C1QC: variants seen among roughly 807,000 people sequenced by gnomAD.
The protein encoded by C1QC is complement C1q C chain, also known as complement C1q subcomponent subunit C.
In C1QC, 4 loss-of-function variants were observed where a neutral mutation model predicts 5.9. The observed-to-expected ratio is 0.68, with a 90% CI of 0.33 to 1.55. C1QC has a LOEUF of 1.55. Ranked by LOEUF, C1QC falls within the 40% of genes most tolerant of loss-of-function variation. The probability of loss-of-function intolerance (pLI) is 0.06; values close to 1 mark genes in which losing one functional copy is unlikely to be tolerated. For synonymous variants in C1QC, 166 were observed against 153.8 expected (o/e 1.08, Z -0.59); for missense variants, 299 against 326.9 (o/e 0.91, Z 0.66).
Position 22,647,704 on chromosome 1 carries a change from C to T in C1QC, c.659C>T (p.Ala220Val). Residue 220 changes from alanine to valine, a missense_variant, in exon 3 of 3, where the codon GCT becomes GTT. Ala to Val is a moderately conservative substitution (Grantham distance 64). Coordinates refer to ENST00000374640, the MANE Select transcript of C1QC (RefSeq NM_172369.5). Reference sequence around the variant, plus strand: ...CAGGTGGGCGAGGAGGTGTGGCTGGCTGTCAATGACTACTACGACATGGTG... The same window carrying T: ...CAGGTGGGCGAGGAGGTGTGGCTGGTTGTCAATGACTACTACGACATGGTG... ...RLQVGEEVWL[A>V]VNDYYDMVGI... 3.1e-6 allele frequency: 5 copies of T among 1,604,346 alleles called. No homozygotes were observed. Among genetic ancestry groups the T allele is most frequent in the Non-Finnish European group, 4.2e-6 (5 of 1,179,782 alleles).
At position 22,643,696 on chromosome 1, in the gene C1QC, A is replaced by T. The variant is rs1642313364; in HGVS notation, c.-32A>T. 8.6e-7 allele frequency: 1 copy of T among 1,165,984 alleles called. No individual in the cohort carries two copies. The highest frequency in any genetic ancestry group is 1.1e-6 in the Non-Finnish European group (1 of 944,212). The allele number at this position is 1,165,984 out of a possible 1,614,324, so 72.2% of individuals were successfully genotyped here. ...TCTGAGGACATCTCTGTGCCAGGCC[A>T]GAAACCGCCCACCTGCAGGTGAGGC... On this transcript the variant is annotated 5_prime_UTR_variant, in exon 1 of 3. Transcript: ENST00000374640.
intron 1 of C1QC, 111 bp from the exon 2 acceptor site, chr1:22,643,900 G>A (rs550153913): frequency 7.1e-6 from 10 of 1,406,934 alleles, no homozygotes; most frequent in Middle Eastern, 2.6e-4. Context: ...AGGCTCCTGG[G>A]GGAGGAAGGA....
intron 2 of C1QC, among the ~76,000 whole-genome samples, chr1:22,645,233 CA>C (rs914457922): frequency 1.2e-4 from 18 of 152,046 alleles, no homozygotes; most frequent in African/African-American, 4.1e-4. Flanking sequence ...GCTCAAAGCT[CA>C]ATGAGGCCTC....
In C1QC at chr1:22,647,492, A is replaced by T; in HGVS notation, c.447A>T (p.Gly149=). Residue 149 remains glycine (G), a synonymous_variant, in exon 3 of 3, where the codon GGA becomes GGT. Transcript: ENST00000374640. The stretch of plus-strand genomic sequence containing the variant: ...ACGCGGTCCTCACCAACCCGCAGGG[A>T]GATTATGACACGAGCACTGGCAAGT... The part of the protein sequence containing the change: ...RFNAVLTNPQ[G]DYDTSTGKFT... 1 of 1,614,216 alleles carries T rather than the reference A, an allele frequency of 6.2e-7. No homozygotes were observed. Among genetic ancestry groups the T allele is most frequent in the Non-Finnish European group, 8.5e-7 (1 of 1,180,038 alleles).
chr1:22,647,133 A>G, intron 2 of C1QC, 94 bp from the exon 3 acceptor site: 1 of 1,441,062 alleles, frequency 6.9e-7, no homozygotes. Flanking sequence ...TCTAGAGACC[A>G]AATGCCAGCG....
At position 22,647,656 on chromosome 1, in the gene C1QC, C is replaced by T. The variant is rs1185500809; in HGVS notation, c.611C>T (p.Ser204Leu). 8 of 1,613,010 alleles carry T rather than the reference C, an allele frequency of 5.0e-6. No individual in the cohort carries two copies. The highest frequency in any genetic ancestry group is 2.2e-5 in the East Asian group (1 of 44,874). Residue 204 changes from serine (S) to leucine (L), a missense_variant, in exon 3 of 3, where the codon TCG becomes TTG. By Grantham distance (145) the Ser-to-Leu change is moderately radical. Around this residue, in one of 3 missense-constraint regions of C1QC, gnomAD observed 144 missense variants for 155.1 expected, o/e 0.93. Coordinates refer to ENST00000374640, the MANE Select transcript of C1QC (RefSeq NM_172369.5). The stretch of plus-strand genomic sequence containing the variant: ...ACGTCCAAAACCAATCAGGTCAACT[C>T]GGGCGGTGTGCTGCTGAGGTTGCAG... ...GHTSKTNQVN[S>L]GGVLLRLQVG...
chr1:22,643,920 C>G (rs1642318444), intron 1 of C1QC, 91 bp from the exon 2 acceptor site: 1 of 1,454,422 alleles, frequency 6.9e-7, no homozygotes, highest in Admixed American at 2.5e-5. Flanking sequence ...AAGGCGAGCT[C>G]CCGAGGGCTG....
chr1:22,643,863 A>G, intron 1 of C1QC, 148 bp from the exon 2 acceptor site: 2 of 1,369,378 alleles, frequency 1.5e-6, no homozygotes, highest in East Asian at 2.7e-5. Flanking sequence ...TGGGCTGAAG[A>G]AAAGGCCCCA....
At chr1:22,644,913 G>A (rs1380317408) in intron 2 of C1QC, among the ~76,000 whole-genome samples, 1 of 152,110 alleles carries the variant, frequency 6.6e-6, no homozygotes, top group East Asian at 1.9e-4. Flanking sequence ...AGGTCCACAG[G>A]CAATCCTTGG....
chr1:22,645,478 G>A (rs578031292), intron 2 of C1QC, among the ~76,000 whole-genome samples: 4 of 152,256 alleles, frequency 2.6e-5, no homozygotes, highest in South Asian at 2.1e-4. Flanking sequence ...TCACACAGTG[G>A]GATCCTGTCC....
chr1:22,648,019 A>C lies in C1QC; in HGVS notation c.*236A>C. 4.1e-6 allele frequency: 2 copies of C among 487,506 alleles called. No homozygotes were observed. The highest frequency in any genetic ancestry group is 7.2e-5 in the East Asian group (2 of 27,964). 30.2% of individuals were successfully genotyped at this position (487,506 alleles called of 1,614,324 possible). ...GTGTGGTTCCTGGGACACTTAACCA[A>C]TGCCTTCTGGTACTGCCATTCTTTT... On this transcript the variant is annotated 3_prime_UTR_variant, in exon 3 of 3. Transcript: ENST00000374640.
rs2148294447 is a variant in C1QC, at chr1:22,644,046, T to C, written c.23T>C (p.Leu8Pro). 6.3e-7 allele frequency: 1 copy of C among 1,587,714 alleles called. No homozygotes were observed. The highest frequency in any genetic ancestry group is 1.2e-5 in the South Asian group (1 of 86,486). The change falls in exon 2 of 3, where the codon CTG (leucine) becomes CCG (proline). Residue 8 changes from leucine (L) to proline (P), a missense_variant. Physicochemically the swap from Leu to Pro is moderately conservative, Grantham distance 98 (BLOSUM62 -3). Coordinates refer to ENST00000374640, the MANE Select transcript of C1QC (RefSeq NM_172369.5). MDVGPSS[L>P]PHLGLKLLLL... ...GGGATGGACGTGGGGCCCAGCTCCC[T>C]GCCCCACCTTGGGCTGAAGCTGCTG...
At position 22,643,696 on chromosome 1, in the gene C1QC, A is replaced by C; in HGVS notation, c.-32A>C. ...TCTGAGGACATCTCTGTGCCAGGCC[A>C]GAAACCGCCCACCTGCAGGTGAGGC... On this transcript the variant is annotated 5_prime_UTR_variant, in exon 1 of 3. Coordinates refer to ENST00000374640, the MANE Select transcript of C1QC (RefSeq NM_172369.5). The C allele has an allele frequency of 8.6e-7, 1 of 1,166,102 alleles. No homozygotes were observed. Among genetic ancestry groups the C allele is most frequent in the Non-Finnish European group, 1.1e-6 (1 of 944,204 alleles). 72.2% of individuals were successfully genotyped at this position (1,166,102 alleles called of 1,614,324 possible).
rs1186047282 is a variant in C1QC at position 22,647,921 on chromosome 1, C to T, written c.*138C>T. 8.8e-7 allele frequency: 1 copy of T among 1,142,212 alleles called. No individual in the cohort carries two copies. The allele number at this position is 1,142,212 out of a possible 1,614,324, so 70.8% of individuals were successfully genotyped here. On this transcript the variant is annotated 3_prime_UTR_variant, in exon 3 of 3. Coordinates refer to ENST00000374640, the MANE Select transcript of C1QC (RefSeq NM_172369.5). ...GGACTTCTCCTCCAGGGAGCCCACC[C>T]TGACCCACCCCCACTGCACCCCCTC... is the stretch of plus-strand genomic sequence containing the variant.
chr1:22,643,681 T>C lies in C1QC; in HGVS notation c.-47T>C. ...GAGAGGGGAAGCAGATCTGAGGACA[T>C]CTCTGTGCCAGGCCAGAAACCGCCC... On this transcript the variant is annotated 5_prime_UTR_variant, in exon 1 of 3. Coordinates refer to ENST00000374640, the MANE Select transcript of C1QC (RefSeq NM_172369.5). 4 of 1,134,566 alleles carry C rather than the reference T, an allele frequency of 3.5e-6. No individual in the cohort carries two copies. The highest frequency in any genetic ancestry group is 4.3e-6 in the Non-Finnish European group (4 of 924,580). The allele number at this position is 1,134,566 out of a possible 1,614,324, so 70.3% of individuals were successfully genotyped here.
Position 22,648,039 on chromosome 1 carries a change from TC to T in C1QC, c.*257del. 22 of 392,806 alleles carry T rather than the reference TC, an allele frequency of 5.6e-5. No individual in the cohort carries two copies. Among genetic ancestry groups the T allele is most frequent in the East Asian group, 9.1e-5 (2 of 21,886 alleles). 24.3% of individuals were successfully genotyped at this position (392,806 alleles called of 1,614,324 possible). A position where few individuals can be genotyped will look rare whatever the true frequency, so the allele number is the denominator to read the frequency against. On this transcript the variant is annotated 3_prime_UTR_variant, in exon 3 of 3. Transcript: ENST00000374640. ...AACCAATGCCTTCTGGTACTGCCATTCTTTTTTTTTTTTTTTTCAAGTATTG... is the reference window on the plus strand; with the variant it reads ...AACCAATGCCTTCTGGTACTGCCATTTTTTTTTTTTTTTTTTCAAGTATTG...
chr1:22,643,876 A>G (rs1436955843), intron 1 of C1QC, 135 bp from the exon 2 acceptor site: 4 of 1,376,376 alleles, frequency 2.9e-6, no homozygotes, highest in Non-Finnish European at 3.8e-6. Flanking sequence ...AGGCCCCACC[A>G]TCCATCCATG....
rs781317327 is a variant in C1QC, at chr1:22,647,455, T to G, written c.410T>G (p.Leu137Arg). 3 of 1,614,122 alleles carry G rather than the reference T, an allele frequency of 1.9e-6. No homozygotes were observed. Among genetic ancestry groups the G allele is most frequent in the Non-Finnish European group, 2.5e-6 (3 of 1,180,032 alleles). The change falls in exon 3 of 3, where the codon CTG becomes CGG. Residue 137 changes from leucine (L) to arginine (R), a missense_variant. Around this residue, in one of 3 missense-constraint regions of C1QC, gnomAD observed 144 missense variants for 155.1 expected, o/e 0.93. Coordinates refer to ENST00000374640, the MANE Select transcript of C1QC (RefSeq NM_172369.5). ...CACCAGCCCCCTGCACCCAACAGCC[T>G]GATCAGATTCAACGCGGTCCTCACC... ...QTHQPPAPNSLIRFNAVLTNP... is the reference protein window; with the variant it reads ...QTHQPPAPNSRIRFNAVLTNP...
chr1:22,644,621 T>C (rs1642339185), intron 2 of C1QC, among the ~76,000 whole-genome samples: 1 of 152,138 alleles, frequency 6.6e-6, no homozygotes, highest in South Asian at 2.1e-4. Context: ...CCCTACTGAT[T>C]CCCTCTATGT....
Sources: allele counts gnomAD v4.1 joint callset (sites outside exome capture counted in the v4.1 genomes callset), GRCh38; gene constraint gnomAD v4.1.1; regional missense constraint gnomAD v4.1.1; transcripts MANE v1.5; gene names NCBI Gene and HGNC (gene_info 2026-07-23, HGNC 2026-07-21).